DOCK1: variants seen among roughly 807,000 people sequenced by gnomAD.
DOCK1 encodes dedicator of cytokinesis 1, also known as dedicator of cytokinesis protein 1.
Under a neutral mutation model 262.7 loss-of-function variants are expected in DOCK1, and 138 were observed. The observed-to-expected ratio is 0.53, with a 90% CI of 0.46 to 0.61. The LOEUF is 0.61. Among genes scored for constraint, DOCK1 ranks in the 20% least tolerant of loss-of-function variants. DOCK1 has a pLI of 0.00. For synonymous variants in DOCK1, 866 were observed against 867.4 expected (o/e 1.00, Z 0.03); for missense variants, 1,908 against 2,370.7 (o/e 0.80, Z 4.05).
At chr10:127,448,291 C>T (rs7915648) in intron 51 of DOCK1, among the ~76,000 whole-genome samples, 108,530 of 152,172 alleles carry the variant, frequency 0.71, 39,904 homozygotes, top group East Asian at 0.99. Context: ...TCATGCCACC[C>T]AAAGTGCCTT....
chr10:127,450,715 T>C (rs1266250399), intron 51 of DOCK1, among the ~76,000 whole-genome samples: 3 of 152,158 alleles, frequency 2.0e-5, no homozygotes, highest in Non-Finnish European at 2.9e-5. Context: ...TGTTCTTTTT[T>C]GGAATCTAAA....
In DOCK1 at chr10:127,350,712, A is replaced by G. The variant is rs552486371; in HGVS notation, c.3225-3957A>G. Among the ~76,000 whole-genome samples, 231 of 152,294 alleles carry G rather than the reference A, an allele frequency of 1.5e-3. 1 individual carries two copies. Among genetic ancestry groups the G allele is most frequent in the Admixed American group, 4.7e-3 (72 of 15,290 alleles). ...GTGAGTCTTGTCTGTTCTCCATATC[A>G]TAGTAATATTAATATTCCAATATGA... On this transcript the variant is annotated intron_variant, in intron 31 of 51. Coordinates refer to ENST00000623213, the MANE Select transcript of DOCK1 (RefSeq NM_001290223.2).
At chr10:126,987,047 C>T (rs535902692) in intron 4 of DOCK1, among the ~76,000 whole-genome samples, 1 of 152,266 alleles carries the variant, frequency 6.6e-6, no homozygotes, top group East Asian at 1.9e-4. Context: ...TCTCATATTT[C>T]GCCAAGGATA....
At position 127,302,949 on chromosome 10, in the gene DOCK1, G is replaced by A. The variant is rs1351495663; in HGVS notation, c.3045-36057G>A. Among the ~76,000 whole-genome samples the A allele has an allele frequency of 2.0e-5, 3 of 152,106 alleles. No individual in the cohort carries two copies. The East Asian group carries it at 5.8e-4, about 29-fold the overall frequency. On this transcript the variant is annotated intron_variant, in intron 29 of 51. Transcript: ENST00000623213. ...GAATTTTTGGCTCTTTGAAACACCT[G>A]TGTGACATTAAATTTTTTACTGAAA...
chr10:127,039,642 A>C (rs949611436), intron 19 of DOCK1, among the ~76,000 whole-genome samples: 11 of 152,066 alleles, frequency 7.2e-5, no homozygotes, highest in African/African-American at 2.4e-4. Context: ...TAGAGAGTGG[A>C]ACTGACTTGA....
intron 38 of DOCK1, among the ~76,000 whole-genome samples, chr10:127,401,286 C>A (rs1365400042): frequency 6.6e-6 from 1 of 152,192 alleles, no homozygotes; most frequent in East Asian, 1.9e-4. Flanking sequence ...ATCTGTATAG[C>A]TCTGCAGCAA....
intron 27 of DOCK1, among the ~76,000 whole-genome samples, chr10:127,187,449 C>G (rs143299836): frequency 1.3e-3 from 195 of 152,228 alleles, no homozygotes; most frequent in African/African-American, 4.4e-3. Context: ...CTCACATGAC[C>G]CCTGTATGCT....
At chr10:127,365,741 A>G (rs778184350) in intron 33 of DOCK1, among the ~76,000 whole-genome samples, 2 of 152,138 alleles carry the variant, frequency 1.3e-5, no homozygotes, top group Non-Finnish European at 2.9e-5. Flanking sequence ...CTTTTGTCTC[A>G]TGGCTGCCTT....
At chr10:127,171,137 TA>T (rs1396578849) in intron 27 of DOCK1, among the ~76,000 whole-genome samples, 1 of 152,184 alleles carries the variant, frequency 6.6e-6, no homozygotes, top group Non-Finnish European at 1.5e-5. Flanking sequence ...TCACAGAGGT[TA>T]ACCTGTCTCA....
At position 127,425,888 on chromosome 10, in the gene DOCK1, C is replaced by T. The variant is rs780219446; in HGVS notation, c.4791C>T (p.Ala1597=). The T allele has an allele frequency of 1.1e-5, 18 of 1,613,804 alleles. No individual in the cohort carries two copies. Among genetic ancestry groups the T allele is most frequent in the South Asian group, 5.5e-5 (5 of 91,066 alleles). ...DLIAWQIPFL[A]EGIRIHGDKV... is the part of the protein sequence containing the mutation. ...CTGTTTTCCAGATTCCTTTTCTGGCCGAAGGGATCAGAATCCATGGAGACA... is the reference window on the plus strand; with the variant it reads ...CTGTTTTCCAGATTCCTTTTCTGGCTGAAGGGATCAGAATCCATGGAGACA... The change falls in exon 47 of 52, where the codon GCC becomes GCT. Residue 1597 remains alanine (A), a synonymous_variant. Transcript: ENST00000623213.
Position 127,433,529 on chromosome 10 carries a change from T to C in DOCK1, c.5060+101T>C, listed in dbSNP as rs1412159388. 4 of 1,405,710 alleles carry C rather than the reference T, an allele frequency of 2.8e-6. No individual in the cohort carries two copies. The Admixed American group carries it at 7.6e-5, about 27-fold the overall frequency. 87.1% of individuals were successfully genotyped at this position (1,405,710 alleles called of 1,614,324 possible). On this transcript the variant is annotated intron_variant, in intron 48 of 51. Coordinates refer to ENST00000623213, the MANE Select transcript of DOCK1 (RefSeq NM_001290223.2). The stretch of plus-strand genomic sequence containing the variant: ...GGGTTTATTTTCTTACAACTGAGGA[T>C]TTTGTGTTCATCAAAATTATCTTTG...
chr10:126,950,996 A>G (rs992777821), intron 1 of DOCK1, among the ~76,000 whole-genome samples: 182 of 150,718 alleles, frequency 1.2e-3, no homozygotes, highest in African/African-American at 4.0e-3. Context: ...GGTAGTATTG[A>G]TGTTGGTGGG....
chr10:126,973,684 A>G (rs2038286873), intron 2 of DOCK1, among the ~76,000 whole-genome samples: 1 of 152,204 alleles, frequency 6.6e-6, no homozygotes, highest in Non-Finnish European at 1.5e-5. Context: ...AGAAGTATTA[A>G]TAGTTTTGAC....
Position 126,996,856 on chromosome 10 carries a change from A to G in DOCK1, c.582A>G (p.Gln194=). The change falls in exon 7 of 52, where the codon CAA becomes CAG. Residue 194 remains glutamine (Q), a synonymous_variant. Coordinates refer to ENST00000623213, the MANE Select transcript of DOCK1 (RefSeq NM_001290223.2). The part of the protein sequence containing the change: ...LFRAHEIASK[Q]VEERLQEEKS... ...GAGCTCATGAAATAGCTTCTAAACAAGTGGAGGAAAGGTTACAAGAGGAAA... is the reference window on the plus strand; with the variant it reads ...GAGCTCATGAAATAGCTTCTAAACAGGTGGAGGAAAGGTTACAAGAGGAAA... The G allele has an allele frequency of 6.2e-7, 1 of 1,605,062 alleles. No homozygotes were observed. Among genetic ancestry groups the G allele is most frequent in the Non-Finnish European group, 8.5e-7 (1 of 1,176,710 alleles).
intron 38 of DOCK1, among the ~76,000 whole-genome samples, chr10:127,391,253 T>C (rs1450954158): frequency 6.6e-6 from 1 of 152,138 alleles, no homozygotes; most frequent in Non-Finnish European, 1.5e-5. Context: ...ATTTCTGTAG[T>C]GGTGAAACAG....
chr10:127,073,637 CAG>C (rs2046356456), intron 23 of DOCK1, among the ~76,000 whole-genome samples: 1 of 152,196 alleles, frequency 6.6e-6, no homozygotes, highest in African/African-American at 2.4e-5. Flanking sequence ...TTCGAGGACA[CAG>C]AGTGACCGTC....
At chr10:127,254,243 T>C (rs1445731477) in intron 28 of DOCK1, among the ~76,000 whole-genome samples, 1 of 152,238 alleles carries the variant, frequency 6.6e-6, no homozygotes, top group Non-Finnish European at 1.5e-5. Context: ...CACACTGTTT[T>C]ATTTTCTTTT....
chr10:127,308,480 C>T (rs1385752645), intron 29 of DOCK1, among the ~76,000 whole-genome samples: 1 of 152,198 alleles, frequency 6.6e-6, no homozygotes, highest in Non-Finnish European at 1.5e-5. Flanking sequence ...AGGTTTGTTA[C>T]ATAGGTATAC....
intron 23 of DOCK1, among the ~76,000 whole-genome samples, chr10:127,102,156 T>A (rs1265600039): frequency 6.6e-6 from 1 of 152,158 alleles, no homozygotes; most frequent in Non-Finnish European, 1.5e-5. Flanking sequence ...TCTACTCTAT[T>A]TTTGGTGAAG....
Sources: gnomAD v4.1 joint callset for allele counts (sites outside exome capture counted in the v4.1 genomes callset) on GRCh38, gnomAD v4.1.1 for gene constraint, MANE v1.5 for transcripts, NCBI Gene and HGNC (gene_info 2026-07-23, HGNC 2026-07-21) for gene names.